Variants in PARD3B observed in about 807,000 individuals in gnomAD.
PARD3B encodes the protein partitioning defective 3 homolog B.
Under a neutral mutation model 130.2 loss-of-function variants are expected in PARD3B, and 103 were observed. The ratio of observed to expected loss-of-function variants is 0.79; its 90% CI spans 0.67 to 0.93. The LOEUF (loss-of-function observed/expected upper bound fraction) is 0.93. Ranked by LOEUF, PARD3B falls within the 40% of genes least tolerant of loss-of-function variation. The probability of loss-of-function intolerance (pLI) is 0.00; values close to 1 mark genes in which losing one functional copy is unlikely to be tolerated. For synonymous variants in PARD3B, 583 were observed against 553.2 expected (o/e 1.05, Z -0.76); for missense variants, 1,609 against 1,499.2 (o/e 1.07, Z -1.21).
At chr2:204,616,256 A>G (rs1290906935) in intron 1 of PARD3B, among the ~76,000 whole-genome samples, 1 of 152,220 alleles carries the variant, frequency 6.6e-6, no homozygotes, top group Non-Finnish European at 1.5e-5. Context: ...TATGCAAAGA[A>G]TATTTTTAAC....
chr2:205,447,914 G>A (rs1268971771), intron 20 of PARD3B, among the ~76,000 whole-genome samples: 1 of 152,140 alleles, frequency 6.6e-6, no homozygotes, highest in African/African-American at 2.4e-5. Flanking sequence ...CAGGGATCTT[G>A]GGTTGAGCTA....
chr2:204,576,749 C>T (rs548172109), intron 1 of PARD3B, among the ~76,000 whole-genome samples: 160 of 152,040 alleles, frequency 1.1e-3, no homozygotes, highest in Non-Finnish European at 1.7e-3. Flanking sequence ...GGGGTGGTGG[C>T]GAGTGTTTGA....
chr2:204,665,358 C>A (rs1341943610), intron 1 of PARD3B, among the ~76,000 whole-genome samples: 6 of 152,126 alleles, frequency 3.9e-5, no homozygotes, highest in Admixed American at 3.3e-4. Flanking sequence ...GCCAGAGGAA[C>A]AAGGATGCTC....
chr2:205,162,103 A>G (rs938302024), intron 11 of PARD3B, among the ~76,000 whole-genome samples: 2 of 152,276 alleles, frequency 1.3e-5, no homozygotes, highest in African/African-American at 4.8e-5. Context: ...ATTATTTCTA[A>G]TAGAGGATGT....
intron 2 of PARD3B, among the ~76,000 whole-genome samples, chr2:204,948,274 C>G (rs76315974): frequency 2.0e-5 from 3 of 152,062 alleles, no homozygotes; most frequent in Admixed American, 6.5e-5. Context: ...GTCCAAAGAC[C>G]AACATAAATT....
intron 3 of PARD3B, among the ~76,000 whole-genome samples, chr2:204,997,327 G>A (rs1450674766): frequency 6.6e-6 from 1 of 152,178 alleles, no homozygotes; most frequent in Non-Finnish European, 1.5e-5. Flanking sequence ...TTGTAGATTA[G>A]TTTGGAGAGA....
intron 7 of PARD3B, among the ~76,000 whole-genome samples, chr2:205,120,454 G>C (rs2030556926): frequency 1.3e-5 from 2 of 152,148 alleles, no homozygotes; most frequent in Admixed American, 1.3e-4. Flanking sequence ...GTGCGGGGTA[G>C]GGTTTAAGGA....
intron 18 of PARD3B, among the ~76,000 whole-genome samples, chr2:205,376,679 C>T (rs902275194): frequency 1.3e-5 from 2 of 152,074 alleles, no homozygotes; most frequent in Non-Finnish European, 2.9e-5. Context: ...GCATAAAATC[C>T]GGAATCACTG....
rs1263287165 is a variant in PARD3B at position 205,563,916 on chromosome 2, C to G, written c.3260+10513C>G. ...GATTGCACTCTGCACCACTCCTCCACAGAACACTCAGAACAAGGCAAGGGG... is the reference window on the plus strand; with the variant it reads ...GATTGCACTCTGCACCACTCCTCCAGAGAACACTCAGAACAAGGCAAGGGG... On this transcript the variant is annotated intron_variant, in intron 22 of 22. Coordinates refer to ENST00000406610, the MANE Select transcript of PARD3B (RefSeq NM_001302769.2). This position sits in a 1 kb window ranked among gnomAD's most constrained non-coding sequence, Gnocchi z 4.2. Among the ~76,000 whole-genome samples, 1 of 152,170 alleles carries G rather than the reference C, an allele frequency of 6.6e-6. No homozygotes were observed. The highest frequency in any genetic ancestry group is 1.5e-5 in the Non-Finnish European group (1 of 68,032).
intron 7 of PARD3B, among the ~76,000 whole-genome samples, chr2:205,120,834 T>A (rs1462852582): frequency 6.6e-6 from 1 of 152,230 alleles, no homozygotes; most frequent in Non-Finnish European, 1.5e-5. Context: ...CTTTAACGCC[T>A]TCATTTATAT....
At chr2:204,874,956 T>A (rs2045778711) in intron 2 of PARD3B, among the ~76,000 whole-genome samples, 1 of 152,196 alleles carries the variant, frequency 6.6e-6, no homozygotes, top group Non-Finnish European at 1.5e-5. Flanking sequence ...CATGAATATA[T>A]CTCAGTTTAT....
At chr2:205,336,226 A>G (rs910480770) in intron 18 of PARD3B, among the ~76,000 whole-genome samples, 1 of 152,228 alleles carries the variant, frequency 6.6e-6, no homozygotes, top group African/African-American at 2.4e-5. Flanking sequence ...CATATGAGTG[A>G]GAATATATGT....
At position 205,183,562 on chromosome 2, in the gene PARD3B, T is replaced by C. The variant is rs2035915036; in HGVS notation, c.1925-2202T>C. ...CACAGTGCAGGCGCTGCCTTTGTGC[T>C]TCTTTCCCCCTGGTCACCTACTTAG... On this transcript the variant is annotated intron_variant, in intron 13 of 22. Coordinates refer to ENST00000406610, the MANE Select transcript of PARD3B (RefSeq NM_001302769.2). The surrounding 1 kb of genome is among the most constrained non-coding windows in gnomAD (Gnocchi z 5.2). Among the ~76,000 whole-genome samples the C allele has an allele frequency of 6.6e-6, 1 of 152,162 alleles. No homozygotes were observed. Among genetic ancestry groups the C allele is most frequent in the East Asian group, 1.9e-4 (1 of 5,170 alleles).
chr2:205,429,287 ACT>A lies in PARD3B; in HGVS notation c.2742-11080_2742-11079del, dbSNP rs143573834. Among the ~76,000 whole-genome samples, 1,497 of 152,280 alleles carry A rather than the reference ACT, an allele frequency of 9.8e-3. 29 individuals are homozygous for A. The highest frequency in any genetic ancestry group is 0.034 in the African/African-American group (1,429 of 41,554). Reference sequence around the variant, plus strand: ...GAACTATCTAGGACACTAACTCCTGACTCTGAAAATTAGCAGTGAAAAAGAAA... The same window carrying A: ...GAACTATCTAGGACACTAACTCCTGACTGAAAATTAGCAGTGAAAAAGAAA... On this transcript the variant is annotated intron_variant, in intron 19 of 22. Coordinates refer to ENST00000406610, the MANE Select transcript of PARD3B (RefSeq NM_001302769.2).
At chr2:205,450,918 A>C (rs932805459) in intron 20 of PARD3B, among the ~76,000 whole-genome samples, 1 of 152,186 alleles carries the variant, frequency 6.6e-6, no homozygotes, top group African/African-American at 2.4e-5. Flanking sequence ...AACTGAGGCA[A>C]TATCCTACCA....
intron 22 of PARD3B, among the ~76,000 whole-genome samples, chr2:205,569,576 A>C (rs1259499551): frequency 6.6e-6 from 1 of 152,214 alleles, no homozygotes; most frequent in Non-Finnish European, 1.5e-5. Context: ...ATAACTAAAA[A>C]ACACATGGTG....
intron 1 of PARD3B, among the ~76,000 whole-genome samples, chr2:204,636,485 TG>T (rs1338374071): frequency 6.6e-6 from 1 of 151,696 alleles, no homozygotes; most frequent in East Asian, 1.9e-4. Flanking sequence ...TGTGTGTGTG[TG>T]TGTGCAGTTA....
intron 2 of PARD3B, among the ~76,000 whole-genome samples, chr2:204,909,707 T>C (rs894546275): frequency 6.6e-6 from 1 of 152,190 alleles, no homozygotes; most frequent in African/African-American, 2.4e-5. Context: ...ATGGGGTCAT[T>C]GATGAGTGGA....
chr2:205,205,379 T>C (rs2037229670), intron 15 of PARD3B, among the ~76,000 whole-genome samples: 2 of 152,218 alleles, frequency 1.3e-5, no homozygotes, highest in Non-Finnish European at 2.9e-5. Flanking sequence ...TATACAGTCA[T>C]ATCATCTGCA....
Sources: allele counts gnomAD v4.1 joint callset (sites outside exome capture counted in the v4.1 genomes callset), GRCh38; gene constraint gnomAD v4.1.1; non-coding constraint Gnocchi (gnomAD v3.1); transcripts MANE v1.5; gene names NCBI Gene and HGNC (gene_info 2026-07-23, HGNC 2026-07-21).